GRIK1: variants seen among roughly 807,000 people sequenced by gnomAD.
The protein encoded by GRIK1 is glutamate receptor ionotropic, kainate 1.
In GRIK1, 69 loss-of-function variants were observed where a neutral mutation model predicts 105.7. That is an observed-to-expected ratio of 0.65 (90% CI 0.54 to 0.80). The LOEUF is 0.80. GRIK1 is among the 30% of genes least tolerant of loss of function. The pLI is 0.00. For missense variants in GRIK1, 1,109 were observed against 1,167.3 expected (o/e 0.95, Z 0.73); for synonymous variants, 438 against 431.3 (o/e 1.02, Z -0.19).
chr21:29,588,150 A>G (rs1036574964), intron 11 of GRIK1, among the ~76,000 whole-genome samples: 2 of 151,088 alleles, frequency 1.3e-5, no homozygotes, highest in Admixed American at 6.6e-5. Context: ...AATTTTTTGT[A>G]TTTTTAGTAG....
chr21:29,861,667 T>C (rs757814219), intron 1 of GRIK1: 12 of 459,512 alleles, frequency 2.6e-5, no homozygotes, highest in South Asian at 1.9e-4. Context: ...ATCTTTCTAA[T>C]GAATGAATAT....
rs1807181246 is a variant in GRIK1 at position 29,587,560 on chromosome 21, G to A, written c.1599C>T (p.Thr533=). The change falls in exon 12 of 18, where the codon ACC becomes ACT. Residue 533 remains threonine, a synonymous_variant. Coordinates refer to ENST00000327783, the MANE Select transcript of GRIK1 (RefSeq NM_001330994.2). ...HRADLAVAPL[T]ITYVREKVID... ...TGACTTTCTCCCGCACGTAGGTGAT[G>A]GTAAGAGGAGCCACTGCCAGGTCAG... The A allele has an allele frequency of 2.5e-6, 4 of 1,612,566 alleles. No homozygotes were observed. The highest frequency in any genetic ancestry group is 2.2e-5 in the East Asian group (1 of 44,874).
intron 1 of GRIK1, among the ~76,000 whole-genome samples, chr21:29,769,796 C>T (rs143269297): frequency 1.3e-5 from 2 of 152,248 alleles, no homozygotes; most frequent in East Asian, 3.9e-4. Context: ...TTACGGCCCT[C>T]AGGAGCAACC....
At chr21:29,691,360 T>C (rs1392081333) in intron 2 of GRIK1, among the ~76,000 whole-genome samples, 1 of 152,180 alleles carries the variant, frequency 6.6e-6, no homozygotes, top group Non-Finnish European at 1.5e-5. Flanking sequence ...TGCTCCTAAT[T>C]TTTGGCTATT....
chr21:29,748,491 G>A (rs1432354153), intron 1 of GRIK1, among the ~76,000 whole-genome samples: 1 of 152,170 alleles, frequency 6.6e-6, no homozygotes, highest in Non-Finnish European at 1.5e-5. Flanking sequence ...CAAATGCATG[G>A]CTCCTTTTAT....
intron 1 of GRIK1, among the ~76,000 whole-genome samples, chr21:29,802,251 G>T (rs1321999197): frequency 1.3e-5 from 2 of 152,056 alleles, no homozygotes; most frequent in Non-Finnish European, 2.9e-5. Context: ...AATCTTTTTA[G>T]AAAATATATT....
chr21:29,559,636 T>A (rs1000993872), intron 15 of GRIK1, among the ~76,000 whole-genome samples: 1 of 152,232 alleles, frequency 6.6e-6, no homozygotes, highest in Non-Finnish European at 1.5e-5. Flanking sequence ...CACCAGGTAG[T>A]TAGCAGGAAG....
chr21:29,876,000 C>G (rs1176050779), intron 1 of GRIK1, among the ~76,000 whole-genome samples: 1 of 152,150 alleles, frequency 6.6e-6, no homozygotes, highest in East Asian at 1.9e-4. Flanking sequence ...CCCACTGTTT[C>G]ATGAAATGGT....
chr21:29,816,324 G>A (rs981635912), intron 1 of GRIK1, among the ~76,000 whole-genome samples: 5 of 151,822 alleles, frequency 3.3e-5, no homozygotes, highest in African/African-American at 1.2e-4. Flanking sequence ...GAGGAGAAAG[G>A]GGAATTTTTA....
chr21:29,683,613 G>A (rs1233770262), intron 3 of GRIK1, among the ~76,000 whole-genome samples: 1 of 152,096 alleles, frequency 6.6e-6, no homozygotes. Flanking sequence ...ACAGACACTG[G>A]CGACTACTAG....
chr21:29,682,581 G>A (rs993988535), intron 3 of GRIK1, among the ~76,000 whole-genome samples: 1 of 152,160 alleles, frequency 6.6e-6, no homozygotes, highest in African/African-American at 2.4e-5. Flanking sequence ...CTAGCCATAT[G>A]TAGAAGAATA....
chr21:29,609,343 T>C (rs1306147931), intron 7 of GRIK1, among the ~76,000 whole-genome samples: 5 of 152,298 alleles, frequency 3.3e-5, no homozygotes, highest in East Asian at 1.9e-4. Context: ...TGGTTATTTG[T>C]ATAAAATCAA....
intron 1 of GRIK1, among the ~76,000 whole-genome samples, chr21:29,756,099 G>A (rs576852508): frequency 2.4e-4 from 36 of 152,258 alleles, no homozygotes; most frequent in African/African-American, 7.9e-4. Flanking sequence ...TAAAATAAAC[G>A]GGCCGGGCGC....
intron 1 of GRIK1, among the ~76,000 whole-genome samples, chr21:29,829,039 T>C (rs1207161614): frequency 6.6e-6 from 1 of 152,156 alleles, no homozygotes; most frequent in Non-Finnish European, 1.5e-5. Flanking sequence ...AGTCAACTGA[T>C]TCTCTTTTTT....
intron 1 of GRIK1, among the ~76,000 whole-genome samples, chr21:29,915,550 G>T (rs541143623): frequency 6.6e-6 from 1 of 152,072 alleles, no homozygotes; most frequent in African/African-American, 2.4e-5. Context: ...AATTTCTCTG[G>T]ATTTCAGGAT....
chr21:29,718,665 G>C (rs976159870), intron 1 of GRIK1, among the ~76,000 whole-genome samples: 4 of 152,222 alleles, frequency 2.6e-5, no homozygotes, highest in Non-Finnish European at 5.9e-5. Flanking sequence ...GTCAGAGCTT[G>C]GAAAGCGGCA....
intron 1 of GRIK1, among the ~76,000 whole-genome samples, chr21:29,846,270 C>A (rs1299639716): frequency 7.3e-5 from 11 of 151,446 alleles, no homozygotes; most frequent in Non-Finnish European, 1.0e-4. Context: ...TGCCTGTAAT[C>A]CCAGCTACTC....
chr21:29,934,062 A>G (rs1602087582), intron 1 of GRIK1, among the ~76,000 whole-genome samples: 3 of 152,296 alleles, frequency 2.0e-5, no homozygotes, highest in African/African-American at 7.2e-5. Context: ...AGAGATTACC[A>G]CCACCGCCAT....
chr21:29,681,014 T>C (rs916591132), intron 3 of GRIK1, among the ~76,000 whole-genome samples: 13 of 152,102 alleles, frequency 8.5e-5, no homozygotes. Context: ...GTGCCTGTAA[T>C]CCCAGCTACT....
Sources: allele counts gnomAD v4.1 joint callset (sites outside exome capture counted in the v4.1 genomes callset), GRCh38; gene constraint gnomAD v4.1.1; transcripts MANE v1.5; gene names NCBI Gene and HGNC (gene_info 2026-07-23, HGNC 2026-07-21).